CACHD1: variants seen among roughly 807,000 people sequenced by gnomAD.
CACHD1 encodes the protein VWFA and cache domain-containing protein 1.
CACHD1 carries 71 observed loss-of-function variants against 138.7 expected under a neutral mutation model. The ratio of observed to expected loss-of-function variants is 0.51; its 90% confidence interval spans 0.42 to 0.62. The LOEUF (loss-of-function observed/expected upper bound fraction) is 0.62. CACHD1 is among the 20% of genes least tolerant of loss of function. The probability of loss-of-function intolerance (pLI) is 0.00; values close to 1 mark genes in which losing one functional copy is unlikely to be tolerated. For synonymous variants in CACHD1, 578 were observed against 591.5 expected, an observed-to-expected ratio of 0.98 and a Z score of 0.33; for missense variants, 1,389 against 1,625.3, an observed-to-expected ratio of 0.85 and a Z score of 2.50.
At position 64,629,406 on chromosome 1, in the gene CACHD1, G is replaced by A. The variant is rs777750971; in HGVS notation, c.569G>A (p.Ser190Asn). 1.9e-6 allele frequency: 3 copies of A among 1,614,100 alleles called. No homozygotes were observed. Among genetic ancestry groups the A allele is most frequent in the East Asian group, 2.2e-5 (1 of 44,876 alleles). Residue 190 changes from serine (S) to asparagine (N), a missense_variant, in exon 5 of 27, where the codon AGT becomes AAT. Coordinates refer to ENST00000651257, the MANE Select transcript of CACHD1 (RefSeq NM_020925.4). ...CCTGGAATTAAGTGGCAATATTTCA[G>A]TTCAGAAGAAGGAATTTTCACTGTT... is the stretch of plus-strand genomic sequence containing the variant. ...SNPGIKWQYF[S>N]SEEGIFTVFP...
chr1:64,546,166 C>T (rs1646716674), intron 1 of CACHD1, among the ~76,000 whole-genome samples: 1 of 152,118 alleles, frequency 6.6e-6, no homozygotes, highest in South Asian at 2.1e-4. Context: ...TTCTGGGATT[C>T]CTTTAGCCCT....
intron 7 of CACHD1, among the ~76,000 whole-genome samples, chr1:64,639,783 A>G (rs888503828): frequency 6.6e-6 from 1 of 152,246 alleles, no homozygotes; most frequent in Non-Finnish European, 1.5e-5. Context: ...CTGTGTAACA[A>G]ATTATTCCAA....
intron 1 of CACHD1, among the ~76,000 whole-genome samples, chr1:64,545,447 G>C (rs2100440870): frequency 6.6e-6 from 1 of 152,292 alleles, no homozygotes; most frequent in South Asian, 2.1e-4. Flanking sequence ...TGAACTTTAT[G>C]TAAATGGAAT....
chr1:64,625,043 C>G (rs1290897328), intron 4 of CACHD1, among the ~76,000 whole-genome samples: 1 of 152,106 alleles, frequency 6.6e-6, no homozygotes, highest in East Asian at 1.9e-4. Flanking sequence ...TGACAAAGAC[C>G]TTATGGTCTG....
chr1:64,532,143 A>T (rs1039683781), intron 1 of CACHD1, among the ~76,000 whole-genome samples: 1 of 152,220 alleles, frequency 6.6e-6, no homozygotes, highest in Non-Finnish European at 1.5e-5. Context: ...GATAAAACTT[A>T]TCAGGGAAAT....
At chr1:64,649,031 G>A (rs1300421482) in intron 9 of CACHD1, among the ~76,000 whole-genome samples, 1 of 152,008 alleles carries the variant, frequency 6.6e-6, no homozygotes, top group Admixed American at 6.6e-5. Flanking sequence ...AGACACCATT[G>A]CCATTTGAGA....
intron 4 of CACHD1, among the ~76,000 whole-genome samples, chr1:64,611,693 G>A (rs2100597138): frequency 6.6e-6 from 1 of 152,302 alleles, no homozygotes; most frequent in South Asian, 2.1e-4. Context: ...TTTGGTCCAA[G>A]CCATTCAACA....
chr1:64,559,359 G>A (rs186435635), intron 2 of CACHD1, among the ~76,000 whole-genome samples: 20 of 152,326 alleles, frequency 1.3e-4, no homozygotes, highest in African/African-American at 4.3e-4. Flanking sequence ...GGATGGAGCT[G>A]AAGGCTATTA....
chr1:64,472,670 A>G (rs140511147), intron 1 of CACHD1, among the ~76,000 whole-genome samples: 150 of 152,348 alleles, frequency 9.8e-4, no homozygotes, highest in African/African-American at 3.3e-3. Flanking sequence ...ATAGAAAACT[A>G]GGATTAAAAA....
chr1:64,653,357 G>A (rs951443771), intron 10 of CACHD1, among the ~76,000 whole-genome samples: 2 of 137,418 alleles, frequency 1.5e-5, no homozygotes, highest in African/African-American at 5.5e-5. Flanking sequence ...TAATAAACCT[G>A]CACATGTACC....
In CACHD1 at chr1:64,543,402, C is replaced by CATATATATATATAT. The variant is rs140966471; in HGVS notation, c.199-7181_199-7168dup. On this transcript the variant is annotated intron_variant, in intron 1 of 26. Transcript: ENST00000651257. ...GAGATCCTATCTCTAAAAAAAAATA[C>CATATATATATATAT]ATATATATATATATATATATATATT... is the stretch of plus-strand genomic sequence containing the variant. 3.9e-3 allele frequency among the ~76,000 whole-genome samples: 492 copies of CATATATATATATAT among 126,818 alleles called. 4 individuals carry two copies. The highest frequency in any genetic ancestry group is 9.2e-3 in the African/African-American group (281 of 30,588). The allele number at this position is 126,818 out of a possible 152,430, so 83.2% of individuals were successfully genotyped here.
chr1:64,653,929 A>G (rs1344374061), intron 11 of CACHD1, 48 bp downstream of exon 11: 2 of 1,569,320 alleles, frequency 1.3e-6, no homozygotes. Context: ...TGAGAATGGG[A>G]CCCATCAAAG....
At chr1:64,652,074 C>A in intron 9 of CACHD1, 87 bp from the exon 10 acceptor site, 1 of 1,171,732 alleles carries the variant, frequency 8.5e-7, no homozygotes, top group Non-Finnish European at 1.2e-6. Context: ...CTGATAGAAG[C>A]CTTCATGATT....
At chr1:64,687,224 C>T (rs1650399082) in intron 26 of CACHD1, among the ~76,000 whole-genome samples, 2 of 152,340 alleles carry the variant, frequency 1.3e-5, no homozygotes, top group South Asian at 4.1e-4. Flanking sequence ...CTATGTCTGT[C>T]TTAATTCATC....
At chr1:64,587,233 A>G (rs12404835) in intron 3 of CACHD1, among the ~76,000 whole-genome samples, 22,799 of 152,238 alleles carry the variant, frequency 0.15, 1,956 homozygotes, top group African/African-American at 0.22. Context: ...TGTTTTTATA[A>G]GTAATTTTAA....
intron 2 of CACHD1, among the ~76,000 whole-genome samples, chr1:64,577,170 T>A (rs889271975): frequency 6.6e-6 from 1 of 152,110 alleles, no homozygotes; most frequent in African/African-American, 2.4e-5. Flanking sequence ...GGTCTTGAAC[T>A]CTTGGGCTCA....
chr1:64,614,341 G>C (rs1460372106), intron 4 of CACHD1, among the ~76,000 whole-genome samples: 4 of 151,946 alleles, frequency 2.6e-5, no homozygotes, highest in African/African-American at 9.7e-5. Context: ...ATCTGCCTAT[G>C]CATTGTTCTT....
intron 7 of CACHD1, among the ~76,000 whole-genome samples, chr1:64,638,371 G>A (rs555892844): frequency 2.4e-4 from 37 of 152,328 alleles, no homozygotes; most frequent in African/African-American, 8.9e-4. Context: ...AAAGTAAAGT[G>A]TATGCCCACA....
chr1:64,569,212 C>T (rs1015207875), intron 2 of CACHD1, among the ~76,000 whole-genome samples: 21 of 152,216 alleles, frequency 1.4e-4, no homozygotes, highest in African/African-American at 3.9e-4. Flanking sequence ...TGAGCCACCA[C>T]GCCCAGCCTT....
Sources: gnomAD v4.1 joint callset for allele counts (sites outside exome capture counted in the v4.1 genomes callset) on GRCh38, gnomAD v4.1.1 for gene constraint, MANE v1.5 for transcripts, NCBI Gene and HGNC (gene_info 2026-07-23, HGNC 2026-07-21) for gene names.